Variants in SCPEP1 observed in about 807,000 individuals in gnomAD.
SCPEP1 encodes the protein serine carboxypeptidase 1.
A neutral mutation model predicts 63.8 loss-of-function variants in SCPEP1; 51 were observed. The observed-to-expected ratio is 0.80, with a 90% CI of 0.64 to 1.01. SCPEP1 has a LOEUF of 1.01. SCPEP1 is among the 50% of genes least tolerant of loss of function. The probability of loss-of-function intolerance (pLI) is 0.00; values close to 1 mark genes in which losing one functional copy is unlikely to be tolerated. For missense variants in SCPEP1, 499 were observed against 554.9 expected, an observed-to-expected ratio of 0.90 and a Z score of 1.01; for synonymous variants, 204 against 207.8, an observed-to-expected ratio of 0.98 and a Z score of 0.16.
In SCPEP1 at chr17:57,006,364, G is replaced by C. The variant is rs2144515992; in HGVS notation, c.*129G>C. On this transcript the variant is annotated 3_prime_UTR_variant, in exon 13 of 13. Transcript: ENST00000262288. The stretch of plus-strand genomic sequence containing the variant: ...GCTGTGATCAAGAAGGTTCTGACCA[G>C]CTTCTGCAGAGGATAAAATCATTGT... 3.6e-6 allele frequency: 2 copies of C among 553,836 alleles called. No individual in the cohort carries two copies. The highest frequency in any genetic ancestry group is 6.2e-5 in the East Asian group (2 of 32,256). The allele number at this position is 553,836 out of a possible 1,614,324, so 34.3% of individuals were successfully genotyped here.
chr17:56,986,687 A>G (rs943377696), intron 3 of SCPEP1, among the ~76,000 whole-genome samples: 17 of 151,722 alleles, frequency 1.1e-4, no homozygotes, highest in African/African-American at 4.1e-4. Flanking sequence ...CTGGGACTAC[A>G]GGCGCCCGCC....
intron 2 of SCPEP1, among the ~76,000 whole-genome samples, chr17:56,982,266 A>C (rs147549492): frequency 6.6e-6 from 1 of 152,004 alleles, no homozygotes; most frequent in African/African-American, 2.4e-5. Flanking sequence ...CCTGGTGCTC[A>C]CCTCCATAGG....
intron 1 of SCPEP1, 44 bp downstream of exon 1, chr17:56,978,279 T>A (rs770181981): frequency 1.0e-5 from 15 of 1,499,710 alleles, no homozygotes; most frequent in Non-Finnish European, 1.3e-5. Flanking sequence ...GCCTCTTTTT[T>A]CTCCAGGCGT....
In SCPEP1 at chr17:56,986,135, C is replaced by CT. The variant is rs576905520; in HGVS notation, c.315+669dup. 3.7e-3 allele frequency among the ~76,000 whole-genome samples: 569 copies of CT among 152,244 alleles called. 6 individuals are homozygous for CT. Among genetic ancestry groups the CT allele is most frequent in the African/African-American group, 0.013 (542 of 41,562 alleles). On this transcript the variant is annotated intron_variant, in intron 3 of 12. Transcript: ENST00000262288. The stretch of plus-strand genomic sequence containing the variant: ...TCTCTCTGTGCTCCCACTCTCCCGG[C>CT]TGCACCTATTGCTATGAATGTTCTC...
In SCPEP1 at chr17:56,981,484, A is replaced by G. The variant is rs931678906; in HGVS notation, c.225+254A>G. 5.9e-5 allele frequency among the ~76,000 whole-genome samples: 9 copies of G among 152,138 alleles called. No individual in the cohort carries two copies. In the East Asian group the frequency reaches 1.7e-3, roughly 29 times the overall value. ...CAGACGGTCACAAGAAGGCTCACTG[A>G]AAACTCCTGATGATACATTTGAATA... On this transcript the variant is annotated intron_variant, in intron 2 of 12. Coordinates refer to ENST00000262288, the MANE Select transcript of SCPEP1 (RefSeq NM_021626.3).
chr17:56,987,928 C>A, intron 4 of SCPEP1, 78 bp downstream of exon 4: 6 of 1,476,984 alleles, frequency 4.1e-6, no homozygotes, highest in Non-Finnish European at 5.5e-6. Flanking sequence ...ACCTGAACTG[C>A]CTCCAGAGTT....
rs1911599729 is a variant in SCPEP1, at chr17:56,997,356, A to G, written c.880+301A>G. Among the ~76,000 whole-genome samples, 5 of 152,266 alleles carry G rather than the reference A, an allele frequency of 3.3e-5. No individual in the cohort carries two copies. The South Asian group carries it at 1.0e-3, about 32-fold the overall frequency. On this transcript the variant is annotated intron_variant, in intron 9 of 12. Coordinates refer to ENST00000262288, the MANE Select transcript of SCPEP1 (RefSeq NM_021626.3). ...GTCTCTCTAGATTTTCCTTTTCTGAACATTTTATATAAATACAATCGCACA... is the reference window on the plus strand; with the variant it reads ...GTCTCTCTAGATTTTCCTTTTCTGAGCATTTTATATAAATACAATCGCACA...
intron 3 of SCPEP1, chr17:56,987,001 C>T (rs569490707): frequency 6.6e-6 from 1 of 152,382 alleles, no homozygotes; most frequent in East Asian, 1.9e-4. Context: ...CCCCCATTGT[C>T]CCCAAGCCTC....
At chr17:57,000,080 G>A (rs1291376595) in intron 10 of SCPEP1, among the ~76,000 whole-genome samples, 2 of 152,232 alleles carry the variant, frequency 1.3e-5, no homozygotes, top group East Asian at 1.9e-4. Context: ...AGCCTGGGAG[G>A]TAGAGGCTGC....
chr17:56,987,837 A>G lies in SCPEP1; in HGVS notation c.458A>G (p.His153Arg). 1 of 1,614,100 alleles carries G rather than the reference A, an allele frequency of 6.2e-7. No individual in the cohort carries two copies. Among genetic ancestry groups the G allele is most frequent in the Non-Finnish European group, 8.5e-7 (1 of 1,180,002 alleles). The change falls in exon 4 of 13, where the codon CAC becomes CGC. Residue 153 changes from histidine to arginine, a missense_variant. Physicochemically the swap from His to Arg is conservative, Grantham distance 29 (BLOSUM62 0). Transcript: ENST00000262288. Reference sequence around the variant, plus strand: ...CTCCTGAAGACCTTCTTCAGTTGCCACAAAGAATTCCAGGTAAGCAAAGAC... The same window carrying G: ...CTCCTGAAGACCTTCTTCAGTTGCCGCAAAGAATTCCAGGTAAGCAAAGAC... ...MVLLKTFFSCHKEFQTVPFYI... is the reference protein window; with the variant it reads ...MVLLKTFFSCRKEFQTVPFYI...
intron 3 of SCPEP1, 29 bp from the exon 4 acceptor site, chr17:56,987,666 A>C: frequency 6.2e-7 from 1 of 1,604,310 alleles, no homozygotes. Context: ...GTCTGATTGC[A>C]ACATTTCGTT....
intron 10 of SCPEP1, among the ~76,000 whole-genome samples, chr17:56,999,518 C>T (rs576001903): frequency 7.2e-5 from 11 of 152,248 alleles, no homozygotes; most frequent in African/African-American, 1.4e-4. Flanking sequence ...AGTGGTCCTG[C>T]GGCTGCTGCT....
rs1272738630 is a variant in SCPEP1, at chr17:57,002,008, T to C, written c.1133-10T>C. 5.6e-6 allele frequency: 9 copies of C among 1,609,320 alleles called. No homozygotes were observed. The highest frequency in any genetic ancestry group is 2.2e-5 in the East Asian group (1 of 44,878). On this transcript the variant is annotated splice_polypyrimidine_tract_variant and intron_variant, in intron 11 of 12. Coordinates refer to ENST00000262288, the MANE Select transcript of SCPEP1 (RefSeq NM_021626.3). Reference sequence around the variant, plus strand: ...TAATGCCAGGCCTTTCTCTTTGTCCTTCTCACCAGGTCAGGAGGCCTGGGT... The same window carrying C: ...TAATGCCAGGCCTTTCTCTTTGTCCCTCTCACCAGGTCAGGAGGCCTGGGT...
At chr17:57,003,004 G>C (rs2144511072) in intron 12 of SCPEP1, among the ~76,000 whole-genome samples, 1 of 152,280 alleles carries the variant, frequency 6.6e-6, no homozygotes, top group South Asian at 2.1e-4. Flanking sequence ...CCCAGTCCCT[G>C]TCCTCAAGGA....
chr17:56,998,309 CAAAAA>C, intron 9 of SCPEP1, 71 bp from the exon 10 acceptor site: 36 of 748,466 alleles, frequency 4.8e-5, no homozygotes, highest in East Asian at 1.2e-4. Context: ...GATTCTGTCT[CAAAAA>C]AAAAAAAAAA....
chr17:57,002,933 G>C (rs999856885), intron 12 of SCPEP1, among the ~76,000 whole-genome samples: 15 of 151,542 alleles, frequency 9.9e-5, no homozygotes, highest in Non-Finnish European at 2.2e-4. Flanking sequence ...GGAGTGTTTT[G>C]AGTTTCCTAA....
At chr17:56,998,276 A>G in intron 9 of SCPEP1, 109 bp from the exon 10 acceptor site, 1 of 695,956 alleles carries the variant, frequency 1.4e-6, no homozygotes, top group Non-Finnish European at 2.4e-6. Flanking sequence ...GTGCCACTGC[A>G]CTCCAGCCTG....
chr17:56,989,242 G>T (rs1911313794), intron 5 of SCPEP1, among the ~76,000 whole-genome samples: 1 of 152,088 alleles, frequency 6.6e-6, no homozygotes, highest in South Asian at 2.1e-4. Flanking sequence ...GAAAAATGTG[G>T]ACAAGCAATT....
chr17:56,999,911 G>A (rs927069235), intron 10 of SCPEP1, among the ~76,000 whole-genome samples: 2 of 151,826 alleles, frequency 1.3e-5, no homozygotes, highest in Admixed American at 6.6e-5. Flanking sequence ...GAACCCGAGA[G>A]GCAGAGATTG....
Sources: allele counts gnomAD v4.1 joint callset (sites outside exome capture counted in the v4.1 genomes callset), GRCh38; gene constraint gnomAD v4.1.1; transcripts MANE v1.5; gene names NCBI Gene and HGNC (gene_info 2026-07-23, HGNC 2026-07-21).